Variants in SLC14A2 observed in about 807,000 individuals in gnomAD.
SLC14A2 encodes urea transporter 2.
Under a neutral mutation model 104.6 loss-of-function variants are expected in SLC14A2, and 91 were observed. The ratio of observed to expected loss-of-function variants is 0.87; its 90% CI spans 0.73 to 1.04. The LOEUF is 1.04. Among genes scored for constraint, SLC14A2 ranks in the 50% least tolerant of loss-of-function variants. SLC14A2 has a pLI of 0.00. For missense variants in SLC14A2, 1,189 were observed against 1,156.0 expected, an observed-to-expected ratio of 1.03 and a Z score of -0.41; for synonymous variants, 476 against 466.4, an observed-to-expected ratio of 1.02 and a Z score of -0.27.
At chr18:45,453,237 T>C (rs2086885636) in intron 1 of SLC14A2, among the ~76,000 whole-genome samples, 1 of 152,132 alleles carries the variant, frequency 6.6e-6, no homozygotes, top group Non-Finnish European at 1.5e-5. Context: ...CCATTTTTCT[T>C]CCCTAGGGAT....
chr18:45,643,906 C>G (rs1407200273), intron 9 of SLC14A2, 80 bp from the exon 10 acceptor site: 1 of 1,261,886 alleles, frequency 7.9e-7, no homozygotes, highest in Non-Finnish European at 1.1e-6. Context: ...CAACGCCTGT[C>G]ACATCCTTCT....
chr18:45,509,845 G>A (rs938247074), intron 2 of SLC14A2, among the ~76,000 whole-genome samples: 11 of 152,212 alleles, frequency 7.2e-5, no homozygotes, highest in African/African-American at 2.4e-4. Flanking sequence ...GCAGAGTTCT[G>A]TAGGTCACGG....
rs146014497 is a variant in SLC14A2, at chr18:45,573,753, A to G, written c.-34-50878A>G. On this transcript the variant is annotated intron_variant, in intron 2 of 20. Coordinates refer to the SLC14A2 transcript ENST00000586448. The stretch of plus-strand genomic sequence containing the variant: ...ATCAATGGCCCTTTTCTACATATCA[A>G]CTTTATGCCACTAAATTCTGTAGGC... Among the ~76,000 whole-genome samples the G allele has an allele frequency of 2.4e-3, 360 of 152,352 alleles. 2 individuals carry two copies. The highest frequency in any genetic ancestry group is 8.3e-3 in the African/African-American group (345 of 41,592).
intron 2 of SLC14A2, among the ~76,000 whole-genome samples, chr18:45,608,538 AC>A (rs1311397753): frequency 5.3e-5 from 8 of 152,050 alleles, no homozygotes; most frequent in African/African-American, 1.7e-4. Flanking sequence ...ATCAACACTC[AC>A]CCTCCTTTTA....
chr18:45,421,968 A>G (rs2086355017), intron 1 of SLC14A2, among the ~76,000 whole-genome samples: 1 of 152,224 alleles, frequency 6.6e-6, no homozygotes, highest in South Asian at 2.1e-4. Flanking sequence ...GACACATCCA[A>G]TGGGACAGGA....
chr18:45,576,112 A>T (rs2044415141), intron 2 of SLC14A2, among the ~76,000 whole-genome samples: 1 of 152,152 alleles, frequency 6.6e-6, no homozygotes, highest in Admixed American at 6.5e-5. Context: ...TCAGATACTT[A>T]TGACTGTAAC....
At chr18:45,396,792 G>C (rs945086351) in intron 1 of SLC14A2, among the ~76,000 whole-genome samples, 1 of 151,716 alleles carries the variant, frequency 6.6e-6, no homozygotes, top group Non-Finnish European at 1.5e-5. Context: ...GTACCCAATA[G>C]TTCCCTTTTC....
At chr18:45,622,021 C>T (rs1278405949) in intron 1 of SLC14A2, among the ~76,000 whole-genome samples, 1 of 152,172 alleles carries the variant, frequency 6.6e-6, no homozygotes, top group Non-Finnish European at 1.5e-5. Context: ...GCAAGGGACT[C>T]ACTAAAGCAC....
rs76051332 is a variant in SLC14A2, at chr18:45,464,355, G to T, written c.-124-18878G>T. ...TGAAACCCCATGGACCTCTGAGAGA[G>T]AGTGTGTCAGGTCATAGCTGTGACT... On this transcript the variant is annotated intron_variant, in intron 1 of 20. Transcript: ENST00000586448. Among the ~76,000 whole-genome samples the T allele has an allele frequency of 1.3e-3, 191 of 152,324 alleles. 1 individual carries two copies. Among genetic ancestry groups the T allele is most frequent in the African/African-American group, 4.3e-3 (179 of 41,576 alleles).
At chr18:45,395,132 A>G (rs766471809) in intron 1 of SLC14A2, among the ~76,000 whole-genome samples, 2 of 152,212 alleles carry the variant, frequency 1.3e-5, no homozygotes, top group Non-Finnish European at 2.9e-5. Flanking sequence ...GAAACAACCT[A>G]AATGTCCATC....
intron 13 of SLC14A2, 54 bp downstream of exon 13, chr18:45,667,148 C>T: frequency 1.3e-6 from 2 of 1,488,606 alleles, no homozygotes; most frequent in Non-Finnish European, 1.8e-6. Flanking sequence ...CACCTCCACC[C>T]ATCCCCAGGA....
chr18:45,236,197 GTATA>G lies in SLC14A2; in HGVS notation c.-125+23011_-125+23014del, dbSNP rs1483375831. 3.5e-5 allele frequency among the ~76,000 whole-genome samples: 2 copies of G among 56,544 alleles called. 1 individual carries two copies. The highest frequency in any genetic ancestry group is 1.7e-4 in the African/African-American group (2 of 11,712). 37.1% of individuals were successfully genotyped at this position (56,544 alleles called of 152,430 possible). On this transcript the variant is annotated intron_variant, in intron 1 of 20. Transcript: ENST00000586448. ...TATACATATATGTGTGTATATATGT[GTATA>G]TATACATATATGTGTGTATATATGT...
chr18:45,207,323 AG>A, the SLC14A2 span, among the ~76,000 whole-genome samples: 1 of 146,956 alleles, frequency 6.8e-6, no homozygotes, highest in Non-Finnish European at 1.5e-5. Context: ...GAAGGGAAAA[AG>A]GGGGAAGAAA....
chr18:45,522,739 G>A (rs898328405), intron 2 of SLC14A2, among the ~76,000 whole-genome samples: 9 of 152,072 alleles, frequency 5.9e-5, no homozygotes, highest in South Asian at 2.1e-4. Context: ...TGTTTGTTGC[G>A]TGAAGATTTC....
rs759383467 is a variant in SLC14A2 at position 45,673,064 on chromosome 18, C to A, written c.2377+17C>A. On this transcript the variant is annotated intron_variant, in intron 17 of 19. Transcript: ENST00000255226. The stretch of plus-strand genomic sequence containing the variant: ...TGCTAGCAGGTCTGTGTCCTCACTT[C>A]CCTGGGCTGTGAGGGGGTTAGAGCC... The A allele has an allele frequency of 1.9e-6, 3 of 1,612,220 alleles. No homozygotes were observed. In the South Asian group the frequency reaches 3.3e-5, roughly 18 times the overall value.
chr18:45,440,972 C>T (rs72910743), intron 1 of SLC14A2, among the ~76,000 whole-genome samples: 2 of 152,244 alleles, frequency 1.3e-5, no homozygotes, highest in Non-Finnish European at 1.5e-5. Flanking sequence ...CGTGTTCGTG[C>T]TTCATTGTGT....
chr18:45,304,887 C>T (rs1047130321), intron 1 of SLC14A2, among the ~76,000 whole-genome samples: 1 of 152,214 alleles, frequency 6.6e-6, no homozygotes, highest in Non-Finnish European at 1.5e-5. Flanking sequence ...GAATGAGGGG[C>T]AACTCTTCTT....
intron 10 of SLC14A2, chr18:45,647,327 C>T (rs906532947): frequency 5.9e-5 from 9 of 152,214 alleles, no homozygotes; most frequent in African/African-American, 2.2e-4. Flanking sequence ...TCTCATAAAA[C>T]AATTTCAGTC....
intron 10 of SLC14A2, among the ~76,000 whole-genome samples, chr18:45,661,018 G>C (rs2045927673): frequency 6.6e-6 from 1 of 152,188 alleles, no homozygotes; most frequent in Admixed American, 6.5e-5. Flanking sequence ...CTCCAGTCTT[G>C]GCCATGTGAG....
Sources: allele counts gnomAD v4.1 joint callset (sites outside exome capture counted in the v4.1 genomes callset), GRCh38; gene constraint gnomAD v4.1.1; transcripts MANE v1.5; gene names NCBI Gene and HGNC (gene_info 2026-07-23, HGNC 2026-07-21).